The following EIF4E1B variants were observed in gnomAD, a reference collection of about 807,000 sequenced individuals.
EIF4E1B encodes eukaryotic translation initiation factor 4E type 1B.
In EIF4E1B, 22 loss-of-function variants were observed where a neutral mutation model predicts 31.3. The observed-to-expected ratio is 0.70, with a 90% CI of 0.50 to 1.00. The LOEUF is 1.00. Among genes scored for constraint, EIF4E1B ranks in the 50% least tolerant of loss-of-function variants. The pLI, the probability that EIF4E1B is intolerant of heterozygous loss-of-function variation, is 0.00. For missense variants in EIF4E1B, 290 were observed against 311.6 expected, an observed-to-expected ratio of 0.93 and a Z score of 0.52; for synonymous variants, 126 against 120.2, an observed-to-expected ratio of 1.05 and a Z score of -0.31.
At position 176,643,639 on chromosome 5, in the gene EIF4E1B, G is replaced by T. The variant is rs750550082; in HGVS notation, c.201G>T (p.Arg67Ser). The stretch of plus-strand genomic sequence containing the variant: ...GGCTGCCTCCCCCTTCCCCTACCAG[G>T]TGGGCTCTGTGGTTCTTCAAGAATG... ...VKLELHPLQN[R>S]WALWFFKNDR... Residue 67 changes from arginine (R) to serine (S), a missense_variant and splice_region_variant, in exon 5 of 9, where the codon AGG (arginine) becomes AGT (serine). Coordinates refer to ENST00000318682, the MANE Select transcript of EIF4E1B (RefSeq NM_001099408.2). 27 of 1,604,748 alleles carry T rather than the reference G, an allele frequency of 1.7e-5. No individual in the cohort carries two copies. The East Asian group carries it at 5.6e-4, about 33-fold the overall frequency.
chr5:176,636,408 T>C (rs1449503807), intron 1 of EIF4E1B, among the ~76,000 whole-genome samples: 1 of 152,234 alleles, frequency 6.6e-6, no homozygotes, highest in Non-Finnish European at 1.5e-5. Flanking sequence ...AGGAATGTAC[T>C]AAGGACGATG....
chr5:176,644,603 A>ACAGAGTAGGT lies in EIF4E1B; in HGVS notation c.360+168_360+177dup, dbSNP rs1641409594. 12 of 795,878 alleles carry ACAGAGTAGGT rather than the reference A, an allele frequency of 1.5e-5. 1 individual carries two copies. The South Asian group carries it at 2.3e-4, about 15-fold the overall frequency. 49.3% of individuals were successfully genotyped at this position (795,878 alleles called of 1,614,324 possible). A position where few individuals can be genotyped will look rare whatever the true frequency, so the allele number is the denominator to read the frequency against. ...GAGGAAATGCTCTACAGGAGCCCGGACAGAGTAGGTCAGGCCCAAGCCGCA... is the reference window on the plus strand; with the variant it reads ...GAGGAAATGCTCTACAGGAGCCCGGACAGAGTAGGTCAGAGTAGGTCAGGCCCAAGCCGCA... On this transcript the variant is annotated intron_variant, in intron 6 of 8. Transcript: ENST00000318682.
intron 3 of EIF4E1B, 108 bp from the exon 4 acceptor site, chr5:176,642,974 T>C (rs1218815254): frequency 4.7e-6 from 7 of 1,505,256 alleles, no homozygotes; most frequent in Admixed American, 4.2e-5. Flanking sequence ...ACTGAAGGCC[T>C]TGTGAGTCCC....
At chr5:176,631,173 C>A in intron 1 of EIF4E1B, 109 bp downstream of exon 1, 1 of 152,346 alleles carries the variant, frequency 6.6e-6, no homozygotes. Context: ...GCAGAGACTC[C>A]AGAGAGGCAC....
rs1760673075 is a variant in EIF4E1B at position 176,645,330 on chromosome 5, C to T, written c.475-47C>T. On this transcript the variant is annotated intron_variant, in intron 7 of 8. Transcript: ENST00000318682. This position sits in a 1 kb window ranked among gnomAD's most constrained non-coding sequence, Gnocchi z 5.4. Reference sequence around the variant, plus strand: ...GTGGTCTCAAGGATGGCAGGCCAGTCCCTATGTCCCAGCCGGTGATCTCAC... The same window carrying T: ...GTGGTCTCAAGGATGGCAGGCCAGTTCCTATGTCCCAGCCGGTGATCTCAC... 1 of 1,553,892 alleles carries T rather than the reference C, an allele frequency of 6.4e-7. No homozygotes were observed. The highest frequency in any genetic ancestry group is 8.7e-7 in the Non-Finnish European group (1 of 1,146,320).
chr5:176,637,697 T>C (rs1760516647), intron 1 of EIF4E1B, among the ~76,000 whole-genome samples: 2 of 152,072 alleles, frequency 1.3e-5, no homozygotes, highest in Admixed American at 6.5e-5. Flanking sequence ...TCTGAAGATC[T>C]GCATGACTGA....
In EIF4E1B at chr5:176,645,869, T is replaced by C; in HGVS notation, c.618T>C (p.Arg206=). The C allele has an allele frequency of 6.3e-7, 1 of 1,588,422 alleles. No individual in the cohort carries two copies. The highest frequency in any genetic ancestry group is 2.3e-5 in the East Asian group (1 of 43,346). ...TCTGTGTCCCCCGCACCTGCAGGCG[T>C]GTATACAAAGAGCGCCTGGGCCTCT... The part of the protein sequence containing the change: ...ENQAGVLHVG[R]VYKERLGLSP... Residue 206 remains arginine, a synonymous_variant, in exon 9 of 9, where the codon CGT becomes CGC. Coordinates refer to ENST00000318682, the MANE Select transcript of EIF4E1B (RefSeq NM_001099408.2). The surrounding 1 kb of genome is among the most constrained non-coding windows in gnomAD (Gnocchi z 5.4).
In EIF4E1B at chr5:176,643,272, C is replaced by T. The variant is rs1760625642; in HGVS notation, c.200+6C>T. On this transcript the variant is annotated splice_donor_region_variant and intron_variant, in intron 4 of 8. Transcript: ENST00000318682. ...CTGCACCCCTTGCAGAACAGGTAGG[C>T]AGGAGCCTGCGAGTGGAACACAGCC... 1 of 1,609,728 alleles carries T rather than the reference C, an allele frequency of 6.2e-7. No homozygotes were observed. The highest frequency in any genetic ancestry group is 8.5e-7 in the Non-Finnish European group (1 of 1,178,220).
Position 176,645,183 on chromosome 5 carries a change from G to C in EIF4E1B, c.414G>C (p.Trp138Cys). Reference protein sequence around the residue: ...EDSRNKRGGRWLVSLAKQQRH... With the variant: ...EDSRNKRGGRCLVSLAKQQRH... ...GCAGGAATAAACGGGGTGGCCGCTG[G>C]CTGGTCAGCCTGGCCAAGCAGCAGC... The change falls in exon 7 of 9, where the codon TGG becomes TGC. Residue 138 changes from tryptophan (W) to cysteine (C), a missense_variant. Trp to Cys is a radical substitution (Grantham distance 215). Transcript: ENST00000318682. This position sits in a 1 kb window ranked among gnomAD's most constrained non-coding sequence, Gnocchi z 5.4. 6.3e-7 allele frequency: 1 copy of C among 1,582,816 alleles called. No homozygotes were observed. Among genetic ancestry groups the C allele is most frequent in the Non-Finnish European group, 8.6e-7 (1 of 1,164,808 alleles).
intron 5 of EIF4E1B, 78 bp from the exon 6 acceptor site, chr5:176,644,298 G>T (rs956553321): frequency 4.1e-6 from 6 of 1,461,782 alleles, no homozygotes; most frequent in African/African-American, 1.4e-5. Flanking sequence ...CGGATGAGGA[G>T]TTGGGAGGGC....
At position 176,643,127 on chromosome 5, in the gene EIF4E1B, A is replaced by G. The variant is rs73806058; in HGVS notation, c.61A>G (p.Lys21Glu). 4.9e-3 allele frequency: 7,935 copies of G among 1,613,432 alleles called. 268 individuals carry two copies. In the African/African-American group the frequency reaches 0.088, roughly 18 times the overall value. The change falls in exon 4 of 9, where the codon AAG (lysine) becomes GAG (glutamate). Residue 21 changes from lysine to glutamate, a missense_variant. By Grantham distance (56) the Lys-to-Glu change is moderately conservative. Coordinates refer to ENST00000318682, the MANE Select transcript of EIF4E1B (RefSeq NM_001099408.2). ...AATCCGAGAGTGGGAGGAGGAGGAG[A>G]AGGAGGAGGAGGCAGCAGAGAGGAC... ...GGIREWEEEEKEEEAAERTPT... is the reference protein window; with the variant it reads ...GGIREWEEEEEEEEAAERTPT...
chr5:176,640,499 A>G (rs1455415742), intron 1 of EIF4E1B, among the ~76,000 whole-genome samples: 2 of 152,208 alleles, frequency 1.3e-5, no homozygotes, highest in African/African-American at 4.8e-5. Flanking sequence ...GGGCCTATCT[A>G]TCACTAAATA....
intron 1 of EIF4E1B, among the ~76,000 whole-genome samples, chr5:176,634,604 A>G (rs1057233618): frequency 2.0e-5 from 3 of 151,824 alleles, no homozygotes; most frequent in African/African-American, 7.3e-5. Flanking sequence ...AACTTTATAT[A>G]ATTTAATTTT....
intron 1 of EIF4E1B, among the ~76,000 whole-genome samples, chr5:176,631,524 G>C (rs775545140): frequency 6.6e-6 from 1 of 152,068 alleles, no homozygotes; most frequent in Non-Finnish European, 1.5e-5. Flanking sequence ...CTATTTCATC[G>C]AGCAGGCTAG....
chr5:176,635,795 C>T (rs1760482131), intron 1 of EIF4E1B, among the ~76,000 whole-genome samples: 1 of 152,032 alleles, frequency 6.6e-6, no homozygotes, highest in African/African-American at 2.4e-5. Context: ...GAATATCTGC[C>T]AGTTGTCTGT....
intron 1 of EIF4E1B, among the ~76,000 whole-genome samples, chr5:176,631,453 G>A (rs989557789): frequency 3.9e-5 from 6 of 152,086 alleles, no homozygotes; most frequent in Non-Finnish European, 7.4e-5. Flanking sequence ...ACAACTTAGG[G>A]GAGTCAGGAA....
intron 5 of EIF4E1B, chr5:176,644,060 C>T (rs1472937343): frequency 1.8e-6 from 1 of 554,554 alleles, no homozygotes. Context: ...TGTCCGGGTG[C>T]TCACGGGAGT....
At chr5:176,631,501 G>T (rs1760382791) in intron 1 of EIF4E1B, among the ~76,000 whole-genome samples, 1 of 152,120 alleles carries the variant, frequency 6.6e-6, no homozygotes, top group Non-Finnish European at 1.5e-5. Context: ...ACTGTGGCCT[G>T]ACAGGAAGGG....
rs1467043205 is a variant in EIF4E1B, at chr5:176,646,558, T to G, written c.*578T>G. 1 of 152,394 alleles carries G rather than the reference T, an allele frequency of 6.6e-6. No individual in the cohort carries two copies. The highest frequency in any genetic ancestry group is 1.5e-5 in the Non-Finnish European group (1 of 68,154). The allele number at this position is 152,394 out of a possible 1,614,324, so 9.4% of individuals were successfully genotyped here. On this transcript the variant is annotated 3_prime_UTR_variant, in exon 9 of 9. Transcript: ENST00000318682. ...GCTGGGCTAGGCCTCACCAAGGTTC[T>G]GGTAGAAGTGGTGGAAGTGGATAAA...
Sources: allele counts gnomAD v4.1 joint callset (sites outside exome capture counted in the v4.1 genomes callset), GRCh38; gene constraint gnomAD v4.1.1; non-coding constraint Gnocchi (gnomAD v3.1); transcripts MANE v1.5; gene names NCBI Gene and HGNC (gene_info 2026-07-23, HGNC 2026-07-21).